SLC8B1: variants seen among roughly 807,000 people sequenced by gnomAD.
SLC8B1 encodes mitochondrial sodium/calcium exchanger protein.
Under a neutral mutation model 63.4 loss-of-function variants are expected in SLC8B1, and 52 were observed. The observed-to-expected ratio is 0.82, with a 90% CI of 0.66 to 1.03. The LOEUF (loss-of-function observed/expected upper bound fraction) is 1.03, where lower values mean the gene tolerates loss of function less well. SLC8B1 is among the 50% of genes least tolerant of loss of function. The pLI, the probability that SLC8B1 is intolerant of heterozygous loss-of-function variation, is 0.00. For synonymous variants in SLC8B1, 336 were observed against 323.9 expected, an observed-to-expected ratio of 1.04 and a Z score of -0.40; for missense variants, 657 against 741.7, an observed-to-expected ratio of 0.89 and a Z score of 1.33.
rs2136814670 is a variant in SLC8B1, at chr12:113,299,685, G to T, written c.*92C>A. The T allele has an allele frequency of 7.8e-7, 1 of 1,278,940 alleles. No homozygotes were observed. Among genetic ancestry groups the T allele is most frequent in the Non-Finnish European group, 1.1e-6 (1 of 884,638 alleles). The allele number at this position is 1,278,940 out of a possible 1,614,324, so 79.2% of individuals were successfully genotyped here. A position where few individuals can be genotyped will look rare whatever the true frequency, so the allele number is the denominator to read the frequency against. On this transcript the variant is annotated 3_prime_UTR_variant, in exon 16 of 16. Coordinates refer to ENST00000680972, the MANE Select transcript of SLC8B1 (RefSeq NM_001358345.2). ...GGGCCGCACTCTCGTGCCCACAAGG[G>T]CCTTGCAGAAATGCTCCGGTCCCTG...
intron 8 of SLC8B1, 96 bp downstream of exon 8, chr12:113,318,868 G>A: frequency 2.3e-6 from 2 of 881,434 alleles, no homozygotes; most frequent in South Asian, 2.9e-5. Flanking sequence ...TGAGCTTGGT[G>A]GGGACAATGG....
intron 2 of SLC8B1, among the ~76,000 whole-genome samples, chr12:113,324,226 T>G (rs1478689112): frequency 6.6e-6 from 1 of 151,742 alleles, no homozygotes; most frequent in Non-Finnish European, 1.5e-5. Flanking sequence ...GGTGAGAGGA[T>G]TGCTTGAGTC....
chr12:113,332,597 C>A, intron 2 of SLC8B1, 126 bp downstream of exon 2: 1 of 1,156,412 alleles, frequency 8.6e-7, no homozygotes. Context: ...TGAATTTTGT[C>A]TCTATTGTTC....
chr12:113,322,558 G>A (rs367991606), intron 2 of SLC8B1, among the ~76,000 whole-genome samples: 2 of 152,212 alleles, frequency 1.3e-5, no homozygotes, highest in East Asian at 3.8e-4. Flanking sequence ...GAATCAGAGG[G>A]TATCCTGGTC....
At chr12:113,322,334 A>G (rs552726056) in intron 2 of SLC8B1, among the ~76,000 whole-genome samples, 146 of 152,314 alleles carry the variant, frequency 9.6e-4, no homozygotes, top group African/African-American at 3.4e-3. Flanking sequence ...TTTAGGCTCT[A>G]GGGCCCACTG....
chr12:113,323,708 C>CA lies in SLC8B1; in HGVS notation c.157-2361dup, dbSNP rs368029752. Reference sequence around the variant, plus strand: ...TGGGTGACAAAGTGAGACTCCATCTCAAAAAAAAACAACAACAAAAAAAGC... The same window carrying CA: ...TGGGTGACAAAGTGAGACTCCATCTCAAAAAAAAAACAACAACAAAAAAAGC... On this transcript the variant is annotated intron_variant, in intron 2 of 15. Coordinates refer to ENST00000680972, the MANE Select transcript of SLC8B1 (RefSeq NM_001358345.2). Among the ~76,000 whole-genome samples the CA allele has an allele frequency of 5.1e-4, 76 of 148,374 alleles. 1 individual carries two copies. In the Middle Eastern group the frequency reaches 0.01, roughly 20 times the overall value.
chr12:113,323,046 G>C (rs1396041580), intron 2 of SLC8B1, among the ~76,000 whole-genome samples: 1 of 152,192 alleles, frequency 6.6e-6, no homozygotes, highest in Non-Finnish European at 1.5e-5. Flanking sequence ...ACCACCATGA[G>C]CTTAATCAGG....
rs147789489 is a variant in SLC8B1 at position 113,309,806 on chromosome 12, T to C, written c.1257+428A>G. ...GGATTCTATTTATATAAAATGTCCA[T>C]GATAGGCAAACCCATAGAGACGCGG... On this transcript the variant is annotated intron_variant, in intron 12 of 15. Transcript: ENST00000680972. Among the ~76,000 whole-genome samples, 1,052 of 151,712 alleles carry C rather than the reference T, an allele frequency of 6.9e-3. 5 individuals are homozygous for C. Among genetic ancestry groups the C allele is most frequent in the African/African-American group, 0.023 (964 of 41,300 alleles).
intron 2 of SLC8B1, among the ~76,000 whole-genome samples, chr12:113,328,633 G>A (rs1440747106): frequency 2.0e-5 from 3 of 151,928 alleles, no homozygotes; most frequent in Non-Finnish European, 2.9e-5. Context: ...CTGGTGCCAC[G>A]ATTATTTTTC....
At chr12:113,301,335 T>C (rs965974096) in intron 15 of SLC8B1, among the ~76,000 whole-genome samples, 2 of 86,992 alleles carry the variant, frequency 2.3e-5, no homozygotes, top group Non-Finnish European at 4.5e-5. Context: ...TTATAAGGCT[T>C]TTTTTTTTTT....
chr12:113,327,098 C>T (rs1428876567), intron 2 of SLC8B1, among the ~76,000 whole-genome samples: 1 of 152,018 alleles, frequency 6.6e-6, no homozygotes, highest in African/African-American at 2.4e-5. Flanking sequence ...TTTGCTGGGG[C>T]CCAGGAATTT....
chr12:113,316,914 C>T (rs774625879), intron 9 of SLC8B1, 28 bp downstream of exon 9: 7 of 1,610,422 alleles, frequency 4.3e-6, no homozygotes, highest in South Asian at 1.1e-5. Context: ...TTACCGCCAC[C>T]CTGGCTGGGC....
At chr12:113,313,327 T>TAAA (rs763975993) in intron 11 of SLC8B1, among the ~76,000 whole-genome samples, 5 of 140,338 alleles carry the variant, frequency 3.6e-5, no homozygotes, top group African/African-American at 7.8e-5. Context: ...AAATTTGCCT[T>TAAA]AAAAAAAAAA....
chr12:113,310,911 TG>T (rs1249291096), intron 11 of SLC8B1, among the ~76,000 whole-genome samples: 1 of 152,284 alleles, frequency 6.6e-6, no homozygotes, highest in East Asian at 1.9e-4. Flanking sequence ...GAGTTGGTAC[TG>T]GTCTTAAAGA....
At chr12:113,316,225 C>CAA (rs565941837) in intron 10 of SLC8B1, among the ~76,000 whole-genome samples, 4 of 130,968 alleles carry the variant, frequency 3.1e-5, no homozygotes, top group South Asian at 2.4e-4. Context: ...AACTCTGTCT[C>CAA]AAAAAAAAAA....
intron 8 of SLC8B1, 110 bp downstream of exon 8, chr12:113,318,854 G>A (rs1956880851): frequency 1.3e-6 from 1 of 760,812 alleles, no homozygotes. Context: ...GCATGAAGAG[G>A]AGATGAGCTT....
rs1298851189 is a variant in SLC8B1 at position 113,320,393 on chromosome 12, A to G, written c.632T>C (p.Val211Ala). Residue 211 changes from valine (V) to alanine (A), a missense_variant, in exon 7 of 16, where the codon GTG (valine) becomes GCG (alanine). Coordinates refer to ENST00000680972, the MANE Select transcript of SLC8B1 (RefSeq NM_001358345.2). This position sits in a 1 kb window ranked among gnomAD's most constrained non-coding sequence, Gnocchi z 5.3. ...CATGAGGAAGGTCAGGAACACAGCC[A>G]CCATGTAGAAAACGATGTCCCTGAA... is the stretch of plus-strand genomic sequence containing the variant. ...PFFRDIVFYM[V>A]AVFLTFLMLF... The G allele has an allele frequency of 6.2e-6, 10 of 1,614,158 alleles. No homozygotes were observed. In the East Asian group the frequency reaches 2.2e-4, roughly 36 times the overall value.
rs753517148 is a variant in SLC8B1, at chr12:113,321,315, G to A, written c.190C>T (p.Arg64Cys). 4.3e-5 allele frequency: 69 copies of A among 1,613,948 alleles called. No homozygotes were observed. Among genetic ancestry groups the A allele is most frequent in the South Asian group, 2.5e-4 (23 of 91,078 alleles). ...RKVCGLNVSD[R>C]CDFIRTNPDC... ...GGGTTGGTCCGGATGAAGTCACAGC[G>A]GTCAGAGACATTCAGGCCACACACC... Residue 64 changes from arginine to cysteine, a missense_variant, in exon 3 of 16, where the codon CGC (arginine) becomes TGC (cysteine). Arg to Cys is a radical substitution (Grantham distance 180, BLOSUM62 -3). Coordinates refer to ENST00000680972, the MANE Select transcript of SLC8B1 (RefSeq NM_001358345.2).
intron 2 of SLC8B1, among the ~76,000 whole-genome samples, chr12:113,326,285 T>C (rs901200891): frequency 6.6e-6 from 1 of 152,264 alleles, no homozygotes; most frequent in Middle Eastern, 3.2e-3. Context: ...TGAGTAGTTG[T>C]AGAAACCATG....
Sources: allele counts gnomAD v4.1 joint callset (sites outside exome capture counted in the v4.1 genomes callset), GRCh38; gene constraint gnomAD v4.1.1; non-coding constraint Gnocchi (gnomAD v3.1); transcripts MANE v1.5; gene names NCBI Gene and HGNC (gene_info 2026-07-23, HGNC 2026-07-21).